The following EYA2 variants were observed in gnomAD, a reference collection of about 807,000 sequenced individuals.
The protein encoded by EYA2 is EYA transcriptional coactivator and phosphatase 2.
Under a neutral mutation model 69.2 loss-of-function variants are expected in EYA2, and 31 were observed. That is an observed-to-expected ratio of 0.45 (90% CI 0.34 to 0.60). The LOEUF (loss-of-function observed/expected upper bound fraction) is 0.60. Ranked by LOEUF, EYA2 falls within the 20% of genes least tolerant of loss-of-function variation. EYA2 has a pLI of 0.02. For missense variants in EYA2, 622 were observed against 701.2 expected, an observed-to-expected ratio of 0.89 and a Z score of 1.28; for synonymous variants, 257 against 279.4, an observed-to-expected ratio of 0.92 and a Z score of 0.80.
At chr20:47,045,764 T>C (rs1424461492) in intron 5 of EYA2, among the ~76,000 whole-genome samples, 1 of 152,222 alleles carries the variant, frequency 6.6e-6, no homozygotes, top group East Asian at 1.9e-4. Flanking sequence ...CAATGGTATA[T>C]GCGGGTTTGG....
chr20:47,083,749 G>A (rs746025444), intron 7 of EYA2, among the ~76,000 whole-genome samples: 34 of 152,226 alleles, frequency 2.2e-4, no homozygotes, highest in Middle Eastern at 3.4e-3. Context: ...TTTCTCATAT[G>A]TAACACCAAA....
chr20:47,175,149 C>A (rs1339404632), intron 12 of EYA2, among the ~76,000 whole-genome samples: 1 of 152,214 alleles, frequency 6.6e-6, no homozygotes, highest in Non-Finnish European at 1.5e-5. Flanking sequence ...CCACAGCCAG[C>A]GGCATGCCGG....
chr20:47,081,646 C>A (rs1358669287), intron 7 of EYA2, among the ~76,000 whole-genome samples: 2 of 151,196 alleles, frequency 1.3e-5, no homozygotes, highest in Non-Finnish European at 3.0e-5. Context: ...AGGCGTGGTG[C>A]CACACGCCTG....
chr20:47,124,873 A>AT (rs1464053438), intron 9 of EYA2, among the ~76,000 whole-genome samples: 2 of 110,724 alleles, frequency 1.8e-5, no homozygotes, highest in Non-Finnish European at 3.7e-5. Context: ...TTCTTCAAAG[A>AT]TTAAAAAAAA....
chr20:47,181,069 T>G (rs1568831960), intron 14 of EYA2, 133 bp downstream of exon 14: 2 of 1,273,712 alleles, frequency 1.6e-6, no homozygotes, highest in African/African-American at 3.0e-5. Context: ...ATGACTCAGA[T>G]TCCCAAAACA....
chr20:47,050,012 A>T lies in EYA2; in HGVS notation c.416-22173A>T, dbSNP rs201396937. Among the ~76,000 whole-genome samples, 18 of 152,212 alleles carry T rather than the reference A, an allele frequency of 1.2e-4. No individual in the cohort carries two copies. In the East Asian group the frequency reaches 3.3e-3, roughly 28 times the overall value. On this transcript the variant is annotated intron_variant, in intron 5 of 15. Transcript: ENST00000327619. ...GAGGTTGTGCACTTTTGTCAAGGAG[A>T]TCACATAAGTGACGTTGCACCCTCA...
intron 1 of EYA2, among the ~76,000 whole-genome samples, chr20:46,917,098 T>G (rs1448889478): frequency 6.6e-6 from 1 of 152,146 alleles, no homozygotes; most frequent in East Asian, 1.9e-4. Flanking sequence ...AGTGGTCAGG[T>G]GGGCAGCCTC....
chr20:46,958,168 G>A (rs1230152126), intron 1 of EYA2, among the ~76,000 whole-genome samples: 1 of 152,158 alleles, frequency 6.6e-6, no homozygotes, highest in Non-Finnish European at 1.5e-5. Context: ...GCTAGAACTC[G>A]AGTCTGGTAA....
intron 5 of EYA2, among the ~76,000 whole-genome samples, chr20:47,026,928 A>G (rs1409684666): frequency 1.3e-5 from 2 of 152,070 alleles, no homozygotes; most frequent in Non-Finnish European, 2.9e-5. Flanking sequence ...ATTGATATAC[A>G]CTCTCTTTGA....
chr20:47,097,353 C>T (rs2032280560), intron 9 of EYA2, among the ~76,000 whole-genome samples, 185 bp downstream of exon 9: 1 of 152,204 alleles, frequency 6.6e-6, no homozygotes, highest in Non-Finnish European at 1.5e-5. Context: ...ATTTAATTAG[C>T]TTCCCCTTCT....
chr20:47,054,551 C>T (rs1005144185), intron 5 of EYA2, among the ~76,000 whole-genome samples: 1 of 152,152 alleles, frequency 6.6e-6, no homozygotes, highest in African/African-American at 2.4e-5. Flanking sequence ...AAAGCCTCCT[C>T]CCCTCTCAGA....
intron 1 of EYA2, among the ~76,000 whole-genome samples, chr20:46,963,399 A>G: frequency 6.6e-6 from 1 of 152,224 alleles, no homozygotes; most frequent in East Asian, 1.9e-4. Context: ...GCTGTGTGCC[A>G]GGCACCGTGC....
intron 4 of EYA2, among the ~76,000 whole-genome samples, chr20:47,009,186 C>T (rs113299005): frequency 1.1e-4 from 17 of 152,310 alleles, no homozygotes; most frequent in African/African-American, 3.1e-4. Flanking sequence ...CACACACACG[C>T]GTGCACGCAC....
In EYA2 at chr20:47,159,764, C is replaced by T. The variant is rs150941580; in HGVS notation, c.979-9375C>T. Among the ~76,000 whole-genome samples, 487 of 151,988 alleles carry T rather than the reference C, an allele frequency of 3.2e-3. 2 individuals are homozygous for T. The highest frequency in any genetic ancestry group is 5.3e-3 in the Non-Finnish European group (359 of 68,010). ...CAGCACTTTGGGAGGCCAAGGTGGG[C>T]GGATCACTTGTGGTCAGGAGTTCGA... On this transcript the variant is annotated intron_variant, in intron 10 of 15. Transcript: ENST00000327619.
chr20:47,178,821 G>GTGGGTGGATGGATGGACAT (rs2034475811), intron 12 of EYA2, among the ~76,000 whole-genome samples: 2 of 108,944 alleles, frequency 1.8e-5, no homozygotes, highest in South Asian at 6.7e-4. Context: ...GGATGGGTGG[G>GTGGGTGGATGGATGGACAT]TGGGTGGATG....
At chr20:47,003,791 C>CA (rs1248924310) in intron 3 of EYA2, among the ~76,000 whole-genome samples, 2 of 152,184 alleles carry the variant, frequency 1.3e-5, no homozygotes, top group African/African-American at 4.8e-5. Flanking sequence ...TGAGGAATAG[C>CA]AGATTCATGG....
rs540830494 is a variant in EYA2 at position 46,946,683 on chromosome 20, G to A, written c.-10-43318G>A. Among the ~76,000 whole-genome samples the A allele has an allele frequency of 8.5e-5, 13 of 152,266 alleles. 1 individual carries two copies. In the South Asian group the frequency reaches 1.9e-3, roughly 22 times the overall value. On this transcript the variant is annotated intron_variant, in intron 1 of 15. Transcript: ENST00000327619. ...ACTCTGCTCTTATCACATAAAAGCC[G>A]CCATAGACAGTATATAACTGAATAA...
chr20:47,006,084 G>A (rs574178089), intron 4 of EYA2, among the ~76,000 whole-genome samples: 1 of 152,186 alleles, frequency 6.6e-6, no homozygotes, highest in Non-Finnish European at 1.5e-5. Context: ...GCTCAGGCAG[G>A]CTCTCCCACT....
intron 5 of EYA2, among the ~76,000 whole-genome samples, chr20:47,019,920 G>A (rs567526505): frequency 4.0e-5 from 6 of 149,882 alleles, no homozygotes; most frequent in South Asian, 4.2e-4. Context: ...GCAGTAAGCC[G>A]TGATCATGCC....
Sources: allele counts gnomAD v4.1 joint callset (sites outside exome capture counted in the v4.1 genomes callset), GRCh38; gene constraint gnomAD v4.1.1; transcripts MANE v1.5; gene names NCBI Gene and HGNC (gene_info 2026-07-23, HGNC 2026-07-21).